ELMO1: variants seen among roughly 807,000 people sequenced by gnomAD.
ELMO1 encodes engulfment and cell motility 1.
A neutral mutation model predicts 98.9 loss-of-function variants in ELMO1; 26 were observed. That is an observed-to-expected ratio of 0.26 (90% CI 0.19 to 0.36). ELMO1 has a LOEUF of 0.36. ELMO1 is among the 10% of genes least tolerant of loss of function. ELMO1 has a pLI of 1.00. For synonymous variants in ELMO1, 346 were observed against 346.0 expected, an observed-to-expected ratio of 1.00 and a Z score of 0.00; for missense variants, 627 against 935.2, an observed-to-expected ratio of 0.67 and a Z score of 4.30.
intron 13 of ELMO1, among the ~76,000 whole-genome samples, chr7:37,161,368 C>G (rs558142907): frequency 6.6e-6 from 1 of 152,282 alleles, no homozygotes; most frequent in South Asian, 2.1e-4. Context: ...AAACATTGTA[C>G]TTAAGGGGCC....
In ELMO1 at chr7:37,107,329, G is replaced by A. The variant is rs142785105; in HGVS notation, c.1192-10602C>T. ...TGCACATGAGATGCAATGGGCAGACGGGGCTTCATGGAGAGGGTGAGCCTT... is the reference window on the plus strand; with the variant it reads ...TGCACATGAGATGCAATGGGCAGACAGGGCTTCATGGAGAGGGTGAGCCTT... On this transcript the variant is annotated intron_variant, in intron 14 of 21. Transcript: ENST00000310758. Among the ~76,000 whole-genome samples, 13 of 152,266 alleles carry A rather than the reference G, an allele frequency of 8.5e-5. No individual in the cohort carries two copies. In the East Asian group the frequency reaches 2.3e-3, roughly 27 times the overall value.
At chr7:37,182,061 C>T (rs1383493519) in intron 13 of ELMO1, among the ~76,000 whole-genome samples, 1 of 152,092 alleles carries the variant, frequency 6.6e-6, no homozygotes, top group Non-Finnish European at 1.5e-5. Flanking sequence ...TCCGTTTTGC[C>T]CAAACTTGGA....
chr7:36,892,078 T>A, intron 17 of ELMO1, among the ~76,000 whole-genome samples: 1 of 152,200 alleles, frequency 6.6e-6, no homozygotes, highest in East Asian at 1.9e-4. Context: ...ACTGAATATA[T>A]ATTCCCCCAA....
intron 6 of ELMO1, among the ~76,000 whole-genome samples, chr7:37,249,036 G>C (rs1795175010): frequency 6.6e-6 from 1 of 152,196 alleles, no homozygotes; most frequent in Non-Finnish European, 1.5e-5. Flanking sequence ...GAGGAGTATG[G>C]TTCAGCCCTC....
At chr7:37,024,546 A>T (rs543353991) in intron 15 of ELMO1, among the ~76,000 whole-genome samples, 1 of 152,330 alleles carries the variant, frequency 6.6e-6, no homozygotes, top group African/African-American at 2.4e-5. Context: ...ACCTTAGCAC[A>T]AAGTGGATAG....
chr7:37,276,634 C>T (rs1796851476), intron 4 of ELMO1, among the ~76,000 whole-genome samples: 1 of 152,138 alleles, frequency 6.6e-6, no homozygotes, highest in Non-Finnish European at 1.5e-5. Flanking sequence ...AAATAAAACA[C>T]ATAAAAAGCA....
At chr7:37,127,617 C>G (rs975558405) in intron 14 of ELMO1, among the ~76,000 whole-genome samples, 15 of 152,234 alleles carry the variant, frequency 9.9e-5, no homozygotes, top group Non-Finnish European at 1.9e-4. Flanking sequence ...ACCAAACCCA[C>G]ACTAGGTATT....
At chr7:36,986,309 T>G in intron 16 of ELMO1, 1 of 958,000 alleles carries the variant, frequency 1.0e-6, no homozygotes, top group Non-Finnish European at 1.2e-6. Flanking sequence ...AGAGCTTTTC[T>G]CTTAGAGTAT....
At chr7:37,431,089 T>G (rs1804912625) in intron 1 of ELMO1, among the ~76,000 whole-genome samples, 1 of 152,184 alleles carries the variant, frequency 6.6e-6, no homozygotes, top group Non-Finnish European at 1.5e-5. Flanking sequence ...GTAATTCCAG[T>G]GCTTTGGGAG....
intron 16 of ELMO1, among the ~76,000 whole-genome samples, chr7:36,953,576 A>G (rs1788177295): frequency 6.6e-6 from 1 of 152,174 alleles, no homozygotes; most frequent in Middle Eastern, 3.2e-3. Context: ...AATATTGTAT[A>G]TATTGTTTTT....
At chr7:36,867,698 C>A (rs916695942) in intron 20 of ELMO1, among the ~76,000 whole-genome samples, 2 of 152,098 alleles carry the variant, frequency 1.3e-5, no homozygotes, top group African/African-American at 4.8e-5. Context: ...TTTTGGTAAG[C>A]TGGATTTTCA....
chr7:37,271,790 A>G (rs147412884), intron 5 of ELMO1, 42 bp downstream of exon 5: 3 of 1,602,090 alleles, frequency 1.9e-6, no homozygotes, highest in African/African-American at 1.3e-5. Context: ...AGAAACGCAG[A>G]GCAAAGAGTT....
At chr7:37,059,552 C>T (rs1464276457) in intron 15 of ELMO1, among the ~76,000 whole-genome samples, 1 of 151,984 alleles carries the variant, frequency 6.6e-6, no homozygotes, top group Non-Finnish European at 1.5e-5. Context: ...TAATATCTCA[C>T]AGAGCCAAAA....
At chr7:36,988,975 T>C (rs1313697414) in intron 16 of ELMO1, among the ~76,000 whole-genome samples, 1 of 152,202 alleles carries the variant, frequency 6.6e-6, no homozygotes, top group Non-Finnish European at 1.5e-5. Flanking sequence ...ATTAACAGAA[T>C]ACAAACCTGA....
In ELMO1 at chr7:37,261,884, G is replaced by C. The variant is rs193248286; in HGVS notation, c.244-2534C>G. ...CCCAAAGTGCTGGGATTACAGGCGT[G>C]AGCCACCACGCCCAGCTGATTGTGT... On this transcript the variant is annotated intron_variant, in intron 5 of 21. Coordinates refer to ENST00000310758, the MANE Select transcript of ELMO1 (RefSeq NM_014800.11). 7.5e-4 allele frequency among the ~76,000 whole-genome samples: 115 copies of C among 152,332 alleles called. No homozygotes were observed. The East Asian group carries it at 0.021, about 27-fold the overall frequency.
At chr7:37,441,205 C>T (rs548477115) in intron 1 of ELMO1, among the ~76,000 whole-genome samples, 114 of 149,476 alleles carry the variant, frequency 7.6e-4, no homozygotes, top group Middle Eastern at 3.5e-3. Context: ...GGCTGGTGAA[C>T]TGTAAGAAGG....
intron 13 of ELMO1, among the ~76,000 whole-genome samples, chr7:37,157,941 T>G (rs1181340789): frequency 6.6e-6 from 1 of 152,174 alleles, no homozygotes; most frequent in African/African-American, 2.4e-5. Flanking sequence ...AGCATGGTAC[T>G]GGTACCAAAA....
chr7:36,960,606 C>G (rs575034772), intron 16 of ELMO1, among the ~76,000 whole-genome samples: 47 of 152,124 alleles, frequency 3.1e-4, no homozygotes, highest in Admixed American at 7.9e-4. Flanking sequence ...CCATCCCCCC[C>G]ACTCACTCAC....
At chr7:37,151,499 G>A (rs1001300353) in intron 13 of ELMO1, among the ~76,000 whole-genome samples, 9 of 152,124 alleles carry the variant, frequency 5.9e-5, no homozygotes, top group Admixed American at 5.9e-4. Flanking sequence ...CTTCCGACCT[G>A]TAAATATTCA....
Sources: allele counts gnomAD v4.1 joint callset (sites outside exome capture counted in the v4.1 genomes callset), GRCh38; gene constraint gnomAD v4.1.1; transcripts MANE v1.5; gene names NCBI Gene and HGNC (gene_info 2026-07-23, HGNC 2026-07-21).